MTMR12: variants seen among roughly 807,000 people sequenced by gnomAD.
MTMR12 encodes the protein myotubularin related protein 12.
In MTMR12, 33 loss-of-function variants were observed where a neutral mutation model predicts 96.7. The ratio of observed to expected loss-of-function variants is 0.34; its 90% CI spans 0.26 to 0.46. MTMR12 has a LOEUF of 0.46. MTMR12 is among the 20% of genes least tolerant of loss of function. MTMR12 has a pLI of 1.00. For synonymous variants in MTMR12, 298 were observed against 327.2 expected (o/e 0.91, Z 0.96); for missense variants, 721 against 896.1 (o/e 0.80, Z 2.49).
chr5:32,296,861 G>A (rs1368870212), intron 1 of MTMR12, among the ~76,000 whole-genome samples: 1 of 151,156 alleles, frequency 6.6e-6, no homozygotes, highest in Non-Finnish European at 1.5e-5. Flanking sequence ...CCAGCACTTT[G>A]GGAGGCCAAG....
chr5:32,294,760 G>T (rs1470663250), intron 1 of MTMR12, among the ~76,000 whole-genome samples: 1 of 152,166 alleles, frequency 6.6e-6, no homozygotes, highest in Non-Finnish European at 1.5e-5. Flanking sequence ...CAGTAAGTCT[G>T]CTGAAAGAAT....
At chr5:32,265,982 A>G (rs1455996917) in intron 6 of MTMR12, among the ~76,000 whole-genome samples, 3 of 152,176 alleles carry the variant, frequency 2.0e-5, no homozygotes, top group African/African-American at 7.2e-5. Context: ...TACCTTTTCT[A>G]TGAAATCACC....
intron 6 of MTMR12, among the ~76,000 whole-genome samples, chr5:32,267,505 G>T (rs1749646938): frequency 2.0e-5 from 3 of 152,072 alleles, no homozygotes; most frequent in African/African-American, 7.2e-5. Flanking sequence ...GGCTAATTCA[G>T]ATGACCAGTT....
chr5:32,268,793 A>G lies in MTMR12; in HGVS notation c.491T>C (p.Ile164Thr), dbSNP rs1287818579. The change falls in exon 6 of 16, where the codon ATT becomes ACT. Residue 164 changes from isoleucine to threonine, a missense_variant and splice_region_variant. Coordinates refer to ENST00000382142, the MANE Select transcript of MTMR12 (RefSeq NM_001040446.3). ...RYTKEEEVKR[I>T]VSGIIHHTQA... Reference sequence around the variant, plus strand: ...GGTATGATGAATTATGCCACTGACAATCTAAAAAAGAATCGAACAATGGAT... The same window carrying G: ...GGTATGATGAATTATGCCACTGACAGTCTAAAAAAGAATCGAACAATGGAT... The G allele has an allele frequency of 6.2e-7, 1 of 1,611,366 alleles. No homozygotes were observed. The highest frequency in any genetic ancestry group is 8.5e-7 in the Non-Finnish European group (1 of 1,177,494).
chr5:32,251,594 G>C (rs149475134), intron 8 of MTMR12, among the ~76,000 whole-genome samples: 2,509 of 152,300 alleles, frequency 0.016, 30 homozygotes, highest in Non-Finnish European at 0.024. Context: ...GAGAAAACAA[G>C]TATAGACTCT....
At position 32,312,719 on chromosome 5, in the gene MTMR12, GC is replaced by G; in HGVS notation, c.81+38del. The G allele has an allele frequency of 1.4e-6, 2 of 1,435,550 alleles. No individual in the cohort carries two copies. Among genetic ancestry groups the G allele is most frequent in the Non-Finnish European group, 1.8e-6 (2 of 1,095,406 alleles). The allele number at this position is 1,435,550 out of a possible 1,614,324, so 88.9% of individuals were successfully genotyped here. A position where few individuals can be genotyped will look rare whatever the true frequency, so the allele number is the denominator to read the frequency against. ...GCTCCCGGCGCCCCTCGCCCCGGCCGCCCCTGCCCGACGCCCCGCCTGCGCG... is the reference window on the plus strand; with the variant it reads ...GCTCCCGGCGCCCCTCGCCCCGGCCGCCCTGCCCGACGCCCCGCCTGCGCG... On this transcript the variant is annotated intron_variant, in intron 1 of 15. Transcript: ENST00000382142. The surrounding 1 kb of genome is among the most constrained non-coding windows in gnomAD (Gnocchi z 5.0).
At chr5:32,307,171 T>C (rs944179693) in intron 1 of MTMR12, among the ~76,000 whole-genome samples, 6 of 152,210 alleles carry the variant, frequency 3.9e-5, no homozygotes, top group Non-Finnish European at 8.8e-5. Flanking sequence ...GAGTTGTTTA[T>C]GTTTATAATC....
Position 32,233,928 on chromosome 5 carries a change from C to T in MTMR12, c.1519G>A (p.Glu507Lys). The change falls in exon 15 of 16, where the codon GAA becomes AAA. Residue 507 changes from glutamate (E) to lysine (K), a missense_variant. Glu to Lys is a moderately conservative substitution (Grantham distance 56, BLOSUM62 1). Transcript: ENST00000382142. This position sits in a 1 kb window ranked among gnomAD's most constrained non-coding sequence, Gnocchi z 5.0. ...PHQKDTNMGR[E>K]GQDTQSKPLN... Reference sequence around the variant, plus strand: ...GGCTTGCTTTGTGTATCCTGGCCTTCTCTACCCTGCCAAAACAAGCACAGG... The same window carrying T: ...GGCTTGCTTTGTGTATCCTGGCCTTTTCTACCCTGCCAAAACAAGCACAGG... The T allele has an allele frequency of 6.2e-7, 1 of 1,614,184 alleles. No homozygotes were observed. The highest frequency in any genetic ancestry group is 8.5e-7 in the Non-Finnish European group (1 of 1,180,042).
chr5:32,280,000 G>A (rs1001651924), intron 1 of MTMR12, among the ~76,000 whole-genome samples: 2 of 152,202 alleles, frequency 1.3e-5, no homozygotes, highest in Non-Finnish European at 2.9e-5. Flanking sequence ...CAGGACAAAA[G>A]CACATGGATG....
chr5:32,287,910 T>G lies in MTMR12; in HGVS notation c.82-11168A>C, dbSNP rs1581635520. ...ATGAAGCTGGTTGGTTGCTCCTAAG[T>G]TCAGTGGACAAAGTGATGAATGAAA... On this transcript the variant is annotated intron_variant, in intron 1 of 15. Transcript: ENST00000382142. 2.6e-5 allele frequency among the ~76,000 whole-genome samples: 4 copies of G among 152,214 alleles called. No homozygotes were observed. In the East Asian group the frequency reaches 7.7e-4, roughly 29 times the overall value.
intron 2 of MTMR12, among the ~76,000 whole-genome samples, chr5:32,275,478 T>C (rs1429967942): frequency 6.6e-6 from 1 of 152,204 alleles, no homozygotes; most frequent in Non-Finnish European, 1.5e-5. Flanking sequence ...GCTCATGTAC[T>C]AGCGACCAGA....
In MTMR12 at chr5:32,228,585, ATATG is replaced by A. The variant is rs1483575531; in HGVS notation, c.*1189_*1192del. 5.0e-5 allele frequency: 6 copies of A among 119,314 alleles called. No homozygotes were observed. Among genetic ancestry groups the A allele is most frequent in the Admixed American group, 2.7e-4 (3 of 11,214 alleles). The allele number at this position is 119,314 out of a possible 1,614,324, so 7.4% of individuals were successfully genotyped here. A position where few individuals can be genotyped will look rare whatever the true frequency, so the allele number is the denominator to read the frequency against. On this transcript the variant is annotated 3_prime_UTR_variant, in exon 16 of 16. Transcript: ENST00000382142. ...TATATATATCATATATATATCATATATATGTGATATATATATATATATCATATAT... is the reference window on the plus strand; with the variant it reads ...TATATATATCATATATATATCATATATGATATATATATATATATCATATAT...
chr5:32,254,300 G>A (rs1749059128), intron 8 of MTMR12, among the ~76,000 whole-genome samples: 1 of 152,124 alleles, frequency 6.6e-6, no homozygotes, highest in African/African-American at 2.4e-5. Flanking sequence ...TATGTACCGT[G>A]GTGACTTTTG....
intron 1 of MTMR12, among the ~76,000 whole-genome samples, chr5:32,306,108 G>A (rs1380962273): frequency 2.6e-5 from 4 of 152,088 alleles, no homozygotes; most frequent in African/African-American, 9.7e-5. Flanking sequence ...GTACTCTAGT[G>A]TACAAAGGCT....
intron 1 of MTMR12, among the ~76,000 whole-genome samples, chr5:32,290,669 T>TTGCAAGCTGCTC (rs1750708582): frequency 6.6e-6 from 1 of 152,188 alleles, no homozygotes; most frequent in Non-Finnish European, 1.5e-5. Context: ...CCAGGCTGCT[T>TTGCAAGCTGCTC]TGCAAGCTGC....
rs188673103 is a variant in MTMR12, at chr5:32,241,939, G to A, written c.1171+118C>T. 822 of 793,140 alleles carry A rather than the reference G, an allele frequency of 1.0e-3. 10 individuals carry two copies. The highest frequency in any genetic ancestry group is 3.9e-4 in the Admixed American group (15 of 38,920). The allele number at this position is 793,140 out of a possible 1,614,324, so 49.1% of individuals were successfully genotyped here. A position where few individuals can be genotyped will look rare whatever the true frequency, so the allele number is the denominator to read the frequency against. Reference sequence around the variant, plus strand: ...TCCAAGGTTAGGGAGAAAGGAATAGGAAGGATTTCTACACTAACTCACTCC... The same window carrying A: ...TCCAAGGTTAGGGAGAAAGGAATAGAAAGGATTTCTACACTAACTCACTCC... On this transcript the variant is annotated intron_variant, in intron 12 of 15. Transcript: ENST00000382142.
At chr5:32,307,416 G>C (rs1372812140) in intron 1 of MTMR12, among the ~76,000 whole-genome samples, 1 of 152,022 alleles carries the variant, frequency 6.6e-6, no homozygotes, top group Non-Finnish European at 1.5e-5. Flanking sequence ...GGGGTGCTGC[G>C]ATGTTTTTAG....
Position 32,282,101 on chromosome 5 carries a change from G to A in MTMR12, c.82-5359C>T, listed in dbSNP as rs548098066. ...CTGTACTCAATCATCACGAGCATCA[G>A]GCTGGGTGCGGTGGCTCATGCCTGT... On this transcript the variant is annotated intron_variant, in intron 1 of 15. Transcript: ENST00000382142. 3.9e-4 allele frequency among the ~76,000 whole-genome samples: 59 copies of A among 152,280 alleles called. 1 individual carries two copies. Among genetic ancestry groups the A allele is most frequent in the Admixed American group, 8.5e-4 (13 of 15,302 alleles).
At chr5:32,260,821 A>G (rs1412689005) in intron 7 of MTMR12, among the ~76,000 whole-genome samples, 2 of 151,740 alleles carry the variant, frequency 1.3e-5, no homozygotes, top group Non-Finnish European at 2.9e-5. Flanking sequence ...CAGAACCATG[A>G]TACAAAGAGC....
Sources: gnomAD v4.1 joint callset for allele counts (sites outside exome capture counted in the v4.1 genomes callset) on GRCh38, gnomAD v4.1.1 for gene constraint, Gnocchi (gnomAD v3.1) non-coding constraint, MANE v1.5 for transcripts, NCBI Gene and HGNC (gene_info 2026-07-23, HGNC 2026-07-21) for gene names.